Variants in SMC3 observed in about 807,000 individuals in gnomAD.
SMC3 encodes the protein structural maintenance of chromosomes 3.
Under a neutral mutation model 171.8 loss-of-function variants are expected in SMC3, and 20 were observed. The observed-to-expected ratio is 0.12, with a 90% CI of 0.08 to 0.17. The LOEUF (loss-of-function observed/expected upper bound fraction) is 0.17, where lower values mean the gene tolerates loss of function less well. Among genes scored for constraint, SMC3 ranks in the 10% least tolerant of loss-of-function variants. SMC3 has a pLI of 1.00. For synonymous variants in SMC3, 464 were observed against 451.1 expected (o/e 1.03, Z -0.36); for missense variants, 543 against 1,420.4 (o/e 0.38, Z 9.93).
At chr10:110,597,293 G>T (rs1861315886) in intron 19 of SMC3, among the ~76,000 whole-genome samples, 1 of 151,802 alleles carries the variant, frequency 6.6e-6, no homozygotes, top group African/African-American at 2.4e-5. Flanking sequence ...ACATAAAAAT[G>T]GTGCTGCATG....
Position 110,596,552 on chromosome 10 carries a change from T to C in SMC3, c.2116+2T>C. The C allele has an allele frequency of 6.2e-7, 1 of 1,613,742 alleles. No homozygotes were observed. Among genetic ancestry groups the C allele is most frequent in the Non-Finnish European group, 8.5e-7 (1 of 1,179,778 alleles). ...AAAACCTGCGCAGAAATATTGAAAATATCTTTTTGTTTTGTGCATAGTGAT... is the reference window on the plus strand; with the variant it reads ...AAAACCTGCGCAGAAATATTGAAAACATCTTTTTGTTTTGTGCATAGTGAT... On this transcript the variant is annotated splice_donor_variant, in intron 19 of 28. Coordinates refer to ENST00000361804, the MANE Select transcript of SMC3 (RefSeq NM_005445.4). LOFTEE classifies it high-confidence loss of function.
At chr10:110,596,842 G>C (rs1236934769) in intron 19 of SMC3, among the ~76,000 whole-genome samples, 1 of 150,286 alleles carries the variant, frequency 6.7e-6, no homozygotes, top group Non-Finnish European at 1.5e-5. Context: ...TTTGTGAATT[G>C]TACAAGTAAA....
Position 110,589,594 on chromosome 10 carries a change from T to G in SMC3, c.1306-11T>G. On this transcript the variant is annotated splice_polypyrimidine_tract_variant and intron_variant, in intron 13 of 28. Coordinates refer to ENST00000361804, the MANE Select transcript of SMC3 (RefSeq NM_005445.4). Reference sequence around the variant, plus strand: ...TGAAATTGAATTTTAAATTTATTTTTATTTCCATAGAAACTGGACCAGGAT... The same window carrying G: ...TGAAATTGAATTTTAAATTTATTTTGATTTCCATAGAAACTGGACCAGGAT... 6.5e-7 allele frequency: 1 copy of G among 1,549,128 alleles called. No individual in the cohort carries two copies. Among genetic ancestry groups the G allele is most frequent in the Non-Finnish European group, 8.9e-7 (1 of 1,123,900 alleles).
chr10:110,577,789 C>A, intron 5 of SMC3, 46 bp from the exon 6 acceptor site: 1 of 1,347,466 alleles, frequency 7.4e-7, no homozygotes, highest in Non-Finnish European at 1.1e-6. Flanking sequence ...AAAAAGTTTT[C>A]TCCTTTACTA....
Position 110,584,524 on chromosome 10 carries a change from T to C in SMC3, c.1305+128T>C, listed in dbSNP as rs111299694. 2,539 of 674,388 alleles carry C rather than the reference T, an allele frequency of 3.8e-3. 40 individuals are homozygous for C. The African/African-American group carries it at 0.041, about 11-fold the overall frequency. The allele number at this position is 674,388 out of a possible 1,614,324, so 41.8% of individuals were successfully genotyped here. ...TCTTAAAATATATGACAGATACTTATTTAGAAAAGGCCTGCACAGTTTAAT... is the reference window on the plus strand; with the variant it reads ...TCTTAAAATATATGACAGATACTTACTTAGAAAAGGCCTGCACAGTTTAAT... On this transcript the variant is annotated intron_variant, in intron 13 of 28. Transcript: ENST00000361804.
At chr10:110,593,047 CTCTGT>C in intron 17 of SMC3, 21 bp from the exon 18 acceptor site, 1 of 1,595,954 alleles carries the variant, frequency 6.3e-7, no homozygotes, top group Admixed American at 1.7e-5. Flanking sequence ...GTTGTGATCT[CTCTGT>C]TGACAAAATT....
Position 110,599,505 on chromosome 10 carries a change from A to G in SMC3, c.2269-149A>G, listed in dbSNP as rs1861354689. ...ATTACATCATATTTTTCTTGTTGCT[A>G]GAGTCCTAATTACCAAATTAATAGG... is the stretch of plus-strand genomic sequence containing the variant. On this transcript the variant is annotated intron_variant, in intron 20 of 28. Coordinates refer to ENST00000361804, the MANE Select transcript of SMC3 (RefSeq NM_005445.4). 1.6e-5 allele frequency: 10 copies of G among 635,006 alleles called. No homozygotes were observed. In the South Asian group the frequency reaches 2.1e-4, roughly 14 times the overall value. 39.3% of individuals were successfully genotyped at this position (635,006 alleles called of 1,614,324 possible).
Position 110,590,453 on chromosome 10 carries a change from C to T in SMC3, c.1551C>T (p.Asp517=), listed in dbSNP as rs1026008058. Residue 517 remains aspartate (D), a synonymous_variant, in exon 16 of 29, where the codon GAC becomes GAT. Coordinates refer to ENST00000361804, the MANE Select transcript of SMC3 (RefSeq NM_005445.4). ...TAGACAGCATAAACAAAGTGCTAGACCACTTCCGTCGAAAAGGAATAAACC... is the reference window on the plus strand; with the variant it reads ...TAGACAGCATAAACAAAGTGCTAGATCACTTCCGTCGAAAAGGAATAAACC... ...NGIDSINKVL[D]HFRRKGINQH... is the part of the protein sequence containing the mutation. The T allele has an allele frequency of 6.2e-7, 1 of 1,613,910 alleles. No individual in the cohort carries two copies. The highest frequency in any genetic ancestry group is 8.5e-7 in the Non-Finnish European group (1 of 1,179,836).
intron 7 of SMC3, 79 bp from the exon 8 acceptor site, chr10:110,580,825 T>TA: frequency 1.2e-6 from 1 of 819,868 alleles, no homozygotes; most frequent in Non-Finnish European, 2.2e-6. Context: ...TCATGTGTAT[T>TA]AAAAACCTTT....
intron 5 of SMC3, 131 bp from the exon 6 acceptor site, chr10:110,577,701 TGTA>T (rs1860973578): frequency 1.4e-6 from 1 of 709,884 alleles, no homozygotes; most frequent in South Asian, 1.7e-5. Flanking sequence ...ATTGAGTATT[TGTA>T]GTATTATTTT....
At chr10:110,569,125 A>G in intron 2 of SMC3, 112 bp downstream of exon 2, 1 of 747,922 alleles carries the variant, frequency 1.3e-6, no homozygotes, top group Non-Finnish European at 2.4e-6. Flanking sequence ...ATATTAAGTT[A>G]TATTTTTCTG....
intron 16 of SMC3, among the ~76,000 whole-genome samples, 168 bp from the exon 17 acceptor site, chr10:110,590,819 TTGGA>T (rs2134737250): frequency 6.6e-6 from 1 of 152,340 alleles, no homozygotes; most frequent in African/African-American, 2.4e-5. Flanking sequence ...CCAAAATTAT[TTGGA>T]TTATATAGGA....
intron 2 of SMC3, 40 bp downstream of exon 2, chr10:110,569,053 T>A (rs775477841): frequency 1.6e-6 from 2 of 1,224,594 alleles, no homozygotes; most frequent in Non-Finnish European, 2.4e-6. Context: ...TTATAGTCTA[T>A]ACAGATAATG....
intron 4 of SMC3, 37 bp from the exon 5 acceptor site, chr10:110,577,384 A>C: frequency 2.0e-6 from 3 of 1,492,828 alleles, no homozygotes; most frequent in Non-Finnish European, 2.8e-6. Context: ...TGAATATACA[A>C]CTTAAATGGC....
chr10:110,590,715 C>T, intron 16 of SMC3, 143 bp downstream of exon 16: 1 of 753,474 alleles, frequency 1.3e-6, no homozygotes. Flanking sequence ...GAAGTAGATG[C>T]TAAGTATTTG....
chr10:110,586,238 G>C (rs1861113764), intron 13 of SMC3, among the ~76,000 whole-genome samples: 1 of 152,192 alleles, frequency 6.6e-6, no homozygotes, highest in Non-Finnish European at 1.5e-5. Context: ...AAAATATATA[G>C]TGGGGAGAAA....
intron 3 of SMC3, among the ~76,000 whole-genome samples, chr10:110,574,534 A>G (rs1360263245): frequency 1.3e-5 from 2 of 152,166 alleles, no homozygotes; most frequent in Non-Finnish European, 2.9e-5. Flanking sequence ...TGTATATCCT[A>G]TTGTGGTTGT....
rs1861369022 is a variant in SMC3 at position 110,600,477 on chromosome 10, A to G, written c.2466A>G (p.Glu822=). The change falls in exon 22 of 29, where the codon GAA becomes GAG. Residue 822 remains glutamate, a synonymous_variant. Coordinates refer to ENST00000361804, the MANE Select transcript of SMC3 (RefSeq NM_005445.4). ...TGCTAAATGAAAGAATTAAATTAGA[A>G]GGTATTATTACTCGAGTAGAGACTT... is the stretch of plus-strand genomic sequence containing the variant. The part of the protein sequence containing the change: ...RQLLNERIKL[E]GIITRVETYL... 1 of 1,592,996 alleles carries G rather than the reference A, an allele frequency of 6.3e-7. No homozygotes were observed. The highest frequency in any genetic ancestry group is 8.6e-7 in the Non-Finnish European group (1 of 1,160,758).
intron 17 of SMC3, among the ~76,000 whole-genome samples, chr10:110,592,079 C>T (rs11195205): frequency 0.12 from 17,677 of 151,946 alleles, 1,209 homozygotes; most frequent in East Asian, 0.26. Context: ...GCCTGGCCAA[C>T]AAGGCAAAAC....
Sources: allele counts gnomAD v4.1 joint callset (sites outside exome capture counted in the v4.1 genomes callset), GRCh38; gene constraint gnomAD v4.1.1; transcripts MANE v1.5; gene names NCBI Gene and HGNC (gene_info 2026-07-23, HGNC 2026-07-21).